Variants in HRURF observed in about 807,000 individuals in gnomAD.
The protein encoded by HRURF is HR upstream open reading frame.
chr8:22,130,800 G>A (rs1317123574), upstream of HRURF: 2 of 152,386 alleles, frequency 1.3e-5, no homozygotes, highest in East Asian at 1.9e-4. Context: ...GCCGGGCCGG[G>A]GGGAACACGC....
exon 1 of HRURF, chr8:22,130,651 G>A (rs752039543): frequency 6.6e-6 from 1 of 152,284 alleles, no homozygotes; most frequent in Non-Finnish European, 1.5e-5. Flanking sequence ...TGCAGGATGC[G>A]GCACACGGCG....
At chr8:22,130,587 G>T (rs1827026644), downstream of HRURF, 1 of 152,298 alleles carries the variant, frequency 6.6e-6, no homozygotes, top group Admixed American at 6.5e-5. Context: ...TCCTTCCCCC[G>T]GGGCGGCGGG....
At position 22,130,699 on chromosome 8, in the gene HRURF, G is replaced by T. The variant is rs1827029809; in HGVS notation, c.10C>A (p.Pro4Thr). The T allele has an allele frequency of 6.6e-6, 1 of 152,370 alleles. No individual in the cohort carries two copies. Among genetic ancestry groups the T allele is most frequent in the South Asian group, 2.1e-4 (1 of 4,844 alleles). The allele number at this position is 152,370 out of a possible 1,614,324, so 9.4% of individuals were successfully genotyped here. A position where few individuals can be genotyped will look rare whatever the true frequency, so the allele number is the denominator to read the frequency against. ...ACCAGCTTCTGGGCCGAGGCCGTAGGTTGCGCCATGGGACGCCGAGACTCC... is the reference window on the plus strand; with the variant it reads ...ACCAGCTTCTGGGCCGAGGCCGTAGTTTGCGCCATGGGACGCCGAGACTCC... Residue 4 changes from proline (P) to threonine (T), a missense_variant, in exon 1 of 1, where the codon CCT (proline) becomes ACT (threonine). Physicochemically the swap from Pro to Thr is conservative, Grantham distance 38 (BLOSUM62 -1). Coordinates refer to ENST00000518377, the Ensembl canonical transcript of HRURF.
chr8:22,130,642 G>A lies in HRURF; in HGVS notation c.67C>T (p.Gln23Ter). Residue 23 changes from glutamine to a stop codon, truncating the protein, a stop_gained, in exon 1 of 1, where the codon CAG becomes TAG. Coordinates refer to ENST00000518377, the Ensembl canonical transcript of HRURF. LOFTEE classifies it high-confidence loss of function. ...TTGGAGGGGTCGGACTCCGGGATCT[G>A]CAGGATGCGGCACACGGCGCGGATC... 1 of 152,418 alleles carries A rather than the reference G, an allele frequency of 6.6e-6. No individual in the cohort carries two copies. Among genetic ancestry groups the A allele is most frequent in the Non-Finnish European group, 1.5e-5 (1 of 68,102 alleles). The allele number at this position is 152,418 out of a possible 1,614,324, so 9.4% of individuals were successfully genotyped here. A position where few individuals can be genotyped will look rare whatever the true frequency, so the allele number is the denominator to read the frequency against.
upstream of HRURF, chr8:22,130,869 G>C (rs1224113796): frequency 6.6e-6 from 1 of 152,294 alleles, no homozygotes; most frequent in African/African-American, 2.4e-5. Context: ...GAAGGGGGTC[G>C]TGCCTGGATG....
chr8:22,130,983 T>G (rs955732915), upstream of HRURF: 3 of 151,104 alleles, frequency 2.0e-5, no homozygotes, highest in Non-Finnish European at 4.4e-5. Context: ...CAGCAGGACC[T>G]CTGATCGCCA....
Sources: allele counts gnomAD v4.1 joint callset, GRCh38; gene constraint gnomAD v4.1.1; transcripts MANE v1.5; gene names NCBI Gene and HGNC (gene_info 2026-07-23, HGNC 2026-07-21).